MTUS2: variants seen among roughly 807,000 people sequenced by gnomAD.
The protein encoded by MTUS2 is microtubule associated scaffold protein 2.
In MTUS2, 40 loss-of-function variants were observed where a neutral mutation model predicts 114.1. That is an observed-to-expected ratio of 0.35 (90% CI 0.27 to 0.46). The LOEUF (loss-of-function observed/expected upper bound fraction) is 0.46, where lower values mean the gene tolerates loss of function less well. MTUS2 is among the 20% of genes least tolerant of loss of function. MTUS2 has a pLI of 1.00. For missense variants in MTUS2, 1,679 were observed against 1,705.4 expected (o/e 0.98, Z 0.27); for synonymous variants, 688 against 672.0 (o/e 1.02, Z -0.37).
intron 6 of MTUS2, among the ~76,000 whole-genome samples, chr13:29,318,428 G>C (rs555577729): frequency 2.3e-5 from 3 of 132,554 alleles, no homozygotes; most frequent in Admixed American, 1.7e-4. Flanking sequence ...TCCTCAGAGT[G>C]AGCCGTTATT....
rs189670967 is a variant in MTUS2 at position 29,503,135 on chromosome 13, A to C, written c.4039A>C (p.Thr1347Pro). 1.2e-6 allele frequency: 2 copies of C among 1,614,202 alleles called. No homozygotes were observed. The highest frequency in any genetic ancestry group is 1.3e-5 in the African/African-American group (1 of 75,050). ...GACCAGTCCGATTAAACTCTCGCCC[A>C]CATCTCCCGTTTACCGCGGCTCCTC... ...DPTSPIKLSP[T>P]SPVYRGSSSG... is the part of the protein sequence containing the mutation. Residue 1347 changes from threonine to proline, a missense_variant, in exon 16 of 16, where the codon ACA (threonine) becomes CCA (proline). By Grantham distance (38) the Thr-to-Pro change is conservative (BLOSUM62 -1). This residue lies in a region of MTUS2 where 822 missense variants were observed against 899.7 expected (regional missense o/e 0.91). Transcript: ENST00000612955.
At chr13:29,181,529 T>A (rs1427137416) in intron 5 of MTUS2, among the ~76,000 whole-genome samples, 2 of 152,204 alleles carry the variant, frequency 1.3e-5, no homozygotes, top group Non-Finnish European at 2.9e-5. Context: ...TTTTTAATCA[T>A]CAGAGAAATG....
chr13:29,189,560 GAAAA>G (rs1037906836), intron 5 of MTUS2, among the ~76,000 whole-genome samples: 1 of 151,120 alleles, frequency 6.6e-6, no homozygotes, highest in Non-Finnish European at 1.5e-5. Flanking sequence ...AAATGAACCA[GAAAA>G]AAAAGACACT....
At chr13:28,993,051 C>T (rs565070550) in intron 2 of MTUS2, among the ~76,000 whole-genome samples, 1 of 152,268 alleles carries the variant, frequency 6.6e-6, no homozygotes, top group South Asian at 2.1e-4. Context: ...TTCCATGTTG[C>T]AGGATGTGTC....
chr13:28,903,066 A>G (rs1389667979), intron 2 of MTUS2, among the ~76,000 whole-genome samples: 1 of 152,044 alleles, frequency 6.6e-6, no homozygotes, highest in African/African-American at 2.4e-5. Context: ...GTTTTTGAGA[A>G]ATTGGACCAT....
At position 29,026,800 on chromosome 13, in the gene MTUS2, C is replaced by G; in HGVS notation, c.2102C>G (p.Pro701Arg). Reference protein sequence around the residue: ...PSANLYEKFKPDLQKPRVFSS... With the variant: ...PSANLYEKFKRDLQKPRVFSS... ...GCCAACCTCTATGAGAAATTCAAGC[C>G]AGACCTGCAGAAGCCAAGGGTCTTC... The change falls in exon 3 of 16, where the codon CCA (proline) becomes CGA (arginine). Residue 701 changes from proline (P) to arginine (R), a missense_variant. Transcript: ENST00000612955. 6.2e-7 allele frequency: 1 copy of G among 1,613,106 alleles called. No homozygotes were observed. The highest frequency in any genetic ancestry group is 8.5e-7 in the Non-Finnish European group (1 of 1,179,874).
intron 8 of MTUS2, among the ~76,000 whole-genome samples, chr13:29,389,633 A>ACC (rs1200014101): frequency 1.6e-5 from 2 of 121,502 alleles, no homozygotes; most frequent in Non-Finnish European, 3.5e-5. Flanking sequence ...ATATGTATAC[A>ACC]CATATGTGTA....
Position 29,389,311 on chromosome 13 carries a change from ATGTATACACATATG to A in MTUS2, c.3117+29842_3117+29855del, listed in dbSNP as rs1872890241. Among the ~76,000 whole-genome samples the A allele has an allele frequency of 2.1e-5, 3 of 144,868 alleles. No individual in the cohort carries two copies. The South Asian group carries it at 6.6e-4, about 32-fold the overall frequency. On this transcript the variant is annotated intron_variant, in intron 8 of 15. Transcript: ENST00000612955. ...CACATATGTGTGTATATGTGTATAT[ATGTATACACATATG>A]TGTGTATATATGTATGCACGTGTGT...
intron 4 of MTUS2, among the ~76,000 whole-genome samples, chr13:29,079,228 G>T (rs1889333567): frequency 6.6e-6 from 1 of 152,042 alleles, no homozygotes; most frequent in African/African-American, 2.4e-5. Context: ...CATGTTCTTG[G>T]GGGAGATACC....
rs1490167391 is a variant in MTUS2 at position 29,428,750 on chromosome 13, C to T, written c.3118-11233C>T. 4.4e-6 allele frequency: 7 copies of T among 1,589,666 alleles called. No homozygotes were observed. In the Admixed American group the frequency reaches 7.0e-5, roughly 16 times the overall value. ...TGGAAGTTGTGACAGCTCCCAGCGG[C>T]GCGCCCCTTTCGTGTGTGCCGGTAC... On this transcript the variant is annotated intron_variant, in intron 8 of 15. Coordinates refer to ENST00000612955, the MANE Select transcript of MTUS2 (RefSeq NM_001033602.4).
intron 2 of MTUS2, among the ~76,000 whole-genome samples, chr13:28,847,174 G>A (rs566358191): frequency 6.6e-6 from 1 of 152,160 alleles, no homozygotes; most frequent in South Asian, 2.1e-4. Context: ...ATCACCTAAG[G>A]TAATTATTTT....
intron 5 of MTUS2, among the ~76,000 whole-genome samples, chr13:29,241,684 A>G (rs1241280908): frequency 6.6e-6 from 1 of 152,244 alleles, no homozygotes; most frequent in Non-Finnish European, 1.5e-5. Flanking sequence ...TTTCTTGGAC[A>G]AGAACCCCGT....
intron 2 of MTUS2, among the ~76,000 whole-genome samples, chr13:28,957,567 G>A (rs1883130065): frequency 6.6e-6 from 1 of 152,076 alleles, no homozygotes; most frequent in South Asian, 2.1e-4. Flanking sequence ...CATTGTGTTG[G>A]GTATTACTAG....
intron 5 of MTUS2, among the ~76,000 whole-genome samples, chr13:29,102,817 G>A (rs536200785): frequency 2.0e-5 from 3 of 152,188 alleles, no homozygotes; most frequent in Admixed American, 6.5e-5. Context: ...GTTCTTTAGC[G>A]AAGAGATGAT....
chr13:29,012,921 C>T (rs941327248), intron 2 of MTUS2, among the ~76,000 whole-genome samples: 32 of 152,192 alleles, frequency 2.1e-4, no homozygotes, highest in African/African-American at 7.5e-4. Context: ...AGGTGCCAGG[C>T]AGGTAGCAGA....
intron 5 of MTUS2, among the ~76,000 whole-genome samples, chr13:29,133,049 G>A (rs796217947): frequency 6.6e-6 from 1 of 151,268 alleles, no homozygotes; most frequent in Non-Finnish European, 1.5e-5. Context: ...TTTCTTAATA[G>A]TAGCCATACT....
chr13:29,085,289 C>T (rs1044754829), intron 4 of MTUS2, among the ~76,000 whole-genome samples: 2 of 152,144 alleles, frequency 1.3e-5, no homozygotes, highest in African/African-American at 4.8e-5. Context: ...TTTTACTTTT[C>T]AACTTTTATT....
chr13:28,845,944 A>G (rs1875850874), intron 2 of MTUS2, among the ~76,000 whole-genome samples: 2 of 151,890 alleles, frequency 1.3e-5, no homozygotes, highest in Non-Finnish European at 2.9e-5. Context: ...GTTGCTTCTC[A>G]CTTCCAAATG....
At chr13:29,186,573 A>G (rs571003286) in intron 5 of MTUS2, among the ~76,000 whole-genome samples, 9 of 152,354 alleles carry the variant, frequency 5.9e-5, no homozygotes, top group Admixed American at 4.6e-4. Flanking sequence ...TCAAGAATAT[A>G]TAACAATTAT....
Sources: allele counts gnomAD v4.1 joint callset (sites outside exome capture counted in the v4.1 genomes callset), GRCh38; gene constraint gnomAD v4.1.1; regional missense constraint gnomAD v4.1.1; transcripts MANE v1.5; gene names NCBI Gene and HGNC (gene_info 2026-07-23, HGNC 2026-07-21).